The following ADAM7 variants were observed in gnomAD, a reference collection of about 807,000 sequenced individuals.
The protein encoded by ADAM7 is ADAM metallopeptidase domain 7.
Under a neutral mutation model 102.9 loss-of-function variants are expected in ADAM7, and 97 were observed. The ratio of observed to expected loss-of-function variants is 0.94; its 90% CI spans 0.80 to 1.12. The LOEUF (loss-of-function observed/expected upper bound fraction) is 1.12, where lower values mean the gene tolerates loss of function less well. ADAM7 is among the 50% of genes most tolerant of loss of function. The probability of loss-of-function intolerance (pLI) is 0.00; values close to 1 mark genes in which losing one functional copy is unlikely to be tolerated. For missense variants in ADAM7, 991 were observed against 908.7 expected (o/e 1.09, Z -1.16); for synonymous variants, 334 against 304.4 (o/e 1.10, Z -1.01).
chr8:24,457,659 T>C (rs544285962), intron 3 of ADAM7, among the ~76,000 whole-genome samples: 178 of 152,296 alleles, frequency 1.2e-3, no homozygotes, highest in Non-Finnish European at 1.9e-3. Context: ...AATTGTGTCT[T>C]TTAACAAGTA....
Position 24,489,328 on chromosome 8 carries a change from G to T in ADAM7, c.1261G>T (p.Ala421Ser). 1 of 1,605,924 alleles carries T rather than the reference G, an allele frequency of 6.2e-7. No homozygotes were observed. The highest frequency in any genetic ancestry group is 1.1e-5 in the South Asian group (1 of 89,488). Residue 421 changes from alanine (A) to serine (S), a missense_variant, in exon 12 of 22, where the codon GCT (alanine) becomes TCT (serine). Coordinates refer to ENST00000175238, the MANE Select transcript of ADAM7 (RefSeq NM_003817.4). ...DEGEECDCGPAQECTNPCCDA... is the reference protein window; with the variant it reads ...DEGEECDCGPSQECTNPCCDA... ...GGGTGAAGAGTGTGACTGTGGCCCT[G>T]CTCAGGTATTTGCAAATGAAGCTAT...
intron 7 of ADAM7, 82 bp from the exon 8 acceptor site, chr8:24,476,351 T>C (rs1266714005): frequency 9.6e-7 from 1 of 1,042,830 alleles, no homozygotes; most frequent in East Asian, 2.7e-5. Flanking sequence ...TTCTTTGTAA[T>C]AGCTGATGAA....
At position 24,485,256 on chromosome 8, in the gene ADAM7, A is replaced by G. The variant is rs549240870; in HGVS notation, c.876-21A>G. 4 of 1,606,846 alleles carry G rather than the reference A, an allele frequency of 2.5e-6. No individual in the cohort carries two copies. In the Admixed American group the frequency reaches 5.0e-5, roughly 20 times the overall value. On this transcript the variant is annotated intron_variant, in intron 9 of 21. Transcript: ENST00000175238. ...AAACTACTAACTCAGATTGAAGACT[A>G]TTTTTGCATCTTTTTCATAGTGGGA...
At chr8:24,453,199 C>G (rs1225957635) in intron 3 of ADAM7, among the ~76,000 whole-genome samples, 8 of 152,188 alleles carry the variant, frequency 5.3e-5, no homozygotes, top group Admixed American at 3.9e-4. Context: ...TGTTGGCCTG[C>G]CTTGCTAGAT....
chr8:24,472,124 A>AC (rs200114413), intron 7 of ADAM7, among the ~76,000 whole-genome samples: 5,861 of 117,598 alleles, frequency 0.05, 159 homozygotes, highest in Middle Eastern at 0.079. Context: ...AAAGATAACA[A>AC]AAAAAAAAAA....
intron 20 of ADAM7, among the ~76,000 whole-genome samples, chr8:24,501,800 C>A (rs1460751277): frequency 1.3e-5 from 2 of 151,954 alleles, no homozygotes; most frequent in South Asian, 2.1e-4. Flanking sequence ...TATATCAGAG[C>A]AGAATATATT....
rs767811801 is a variant in ADAM7 at position 24,491,968 on chromosome 8, T to C, written c.1422T>C (p.Thr474=). The C allele has an allele frequency of 2.5e-6, 4 of 1,613,376 alleles. No individual in the cohort carries two copies. Among genetic ancestry groups the C allele is most frequent in the Non-Finnish European group, 3.4e-6 (4 of 1,179,528 alleles). Residue 474 remains threonine, a synonymous_variant, in exon 14 of 22, where the codon ACT becomes ACC. Transcript: ENST00000175238. The stretch of plus-strand genomic sequence containing the variant: ...AATGTGATTTTCCTGAGATGTGCAC[T>C]GGCCACTCGCCTGCCTGTCCTAAGG... ...KDECDFPEMC[T]GHSPACPKDQ... is the part of the protein sequence containing the mutation.
intron 3 of ADAM7, among the ~76,000 whole-genome samples, chr8:24,460,241 G>T (rs909720470): frequency 1.3e-5 from 2 of 152,030 alleles, no homozygotes; most frequent in South Asian, 4.2e-4. Context: ...CATTTAAGAT[G>T]TATCTTTTGT....
At chr8:24,497,068 A>G (rs1350079969) in intron 16 of ADAM7, among the ~76,000 whole-genome samples, 1 of 152,152 alleles carries the variant, frequency 6.6e-6, no homozygotes, top group Non-Finnish European at 1.5e-5. Context: ...GGTCCTTCCC[A>G]TGCTGTTCTC....
chr8:24,468,568 G>A (rs1412395756), intron 6 of ADAM7, among the ~76,000 whole-genome samples, 199 bp from the exon 7 acceptor site: 3 of 151,858 alleles, frequency 2.0e-5, no homozygotes, highest in Non-Finnish European at 2.9e-5. Context: ...ACTAAAATCC[G>A]ATGTATAGGA....
At chr8:24,487,037 G>A in intron 10 of ADAM7, 150 bp from the exon 11 acceptor site, 1 of 706,728 alleles carries the variant, frequency 1.4e-6, no homozygotes, top group African/African-American at 1.8e-5. Context: ...CTGAGGTACA[G>A]AGGAGAGAAG....
rs753438964 is a variant in ADAM7 at position 24,463,927 on chromosome 8, A to C, written c.279A>C (p.Lys93Asn). The change falls in exon 4 of 22, where the codon AAA becomes AAC. Residue 93 changes from lysine to asparagine, a missense_variant. Coordinates refer to ENST00000175238, the MANE Select transcript of ADAM7 (RefSeq NM_003817.4). ...ACAGTGAAACATTCTACTCCATGAA[A>C]GGAGAAGCGTTCACCAGGCATCCTC... The part of the protein sequence containing the change: ...SNYSETFYSM[K>N]GEAFTRHPQI... 46 of 1,613,762 alleles carry C rather than the reference A, an allele frequency of 2.9e-5. No individual in the cohort carries two copies. Among genetic ancestry groups the C allele is most frequent in the Non-Finnish European group, 3.8e-5 (45 of 1,179,868 alleles).
At chr8:24,442,425 AC>A (rs1563369394) in intron 1 of ADAM7, 47 bp from the exon 2 acceptor site, 4 of 1,294,868 alleles carry the variant, frequency 3.1e-6, no homozygotes, top group Non-Finnish European at 4.5e-6. Context: ...GCCGCTGTAG[AC>A]GAATGTTAAT....
At position 24,493,138 on chromosome 8, in the gene ADAM7, A is replaced by C; in HGVS notation, c.1751A>C (p.Asn584Thr). ...TATCACCTTAAGGATCCCCAGAAGA[A>C]TGCTACTGTCAAATGCAAAACTATT... ...KTYHLKDPQK[N>T]ATVKCKTIFL... Residue 584 changes from asparagine (N) to threonine (T), a missense_variant, in exon 16 of 22, where the codon AAT (asparagine) becomes ACT (threonine). By Grantham distance (65) the Asn-to-Thr change is moderately conservative. Coordinates refer to ENST00000175238, the MANE Select transcript of ADAM7 (RefSeq NM_003817.4). The C allele has an allele frequency of 3.1e-6, 5 of 1,613,514 alleles. No homozygotes were observed. The highest frequency in any genetic ancestry group is 4.2e-6 in the Non-Finnish European group (5 of 1,179,664).
Position 24,501,484 on chromosome 8 carries a change from A to G in ADAM7, c.2116A>G (p.Thr706Ala), listed in dbSNP as rs1335937272. 1.1e-5 allele frequency: 18 copies of G among 1,605,130 alleles called. No individual in the cohort carries two copies. In the Admixed American group the frequency reaches 2.9e-4, roughly 26 times the overall value. Residue 706 changes from threonine (T) to alanine (A), a missense_variant, in exon 20 of 22, where the codon ACA becomes GCA. Thr to Ala is a moderately conservative substitution (Grantham distance 58). Coordinates refer to ENST00000175238, the MANE Select transcript of ADAM7 (RefSeq NM_003817.4). ...IKLKQVQSPP[T>A]ETLGVENKGY... is the part of the protein sequence containing the mutation. ...CAATTTCCTTCTTGACAGCCCACCT[A>G]CAGAAACCCTGGGAGTGGAGAACAA...
chr8:24,462,630 T>G (rs931700951), intron 3 of ADAM7, among the ~76,000 whole-genome samples: 5 of 152,216 alleles, frequency 3.3e-5, no homozygotes, highest in Non-Finnish European at 7.3e-5. Flanking sequence ...TTTCTTTTTA[T>G]GTATTATCCA....
chr8:24,441,423 T>G (rs1449086120), intron 1 of ADAM7, among the ~76,000 whole-genome samples: 1 of 152,184 alleles, frequency 6.6e-6, no homozygotes, highest in Non-Finnish European at 1.5e-5. Flanking sequence ...GTGCTGGCCA[T>G]TAGCTGCTTT....
intron 3 of ADAM7, among the ~76,000 whole-genome samples, chr8:24,453,635 C>T (rs572954231): frequency 1.3e-3 from 204 of 152,326 alleles, no homozygotes; most frequent in African/African-American, 4.7e-3. Flanking sequence ...TCGTCTGAAG[C>T]CTTCTTCTCT....
At chr8:24,480,460 A>T (rs1819911396) in intron 8 of ADAM7, among the ~76,000 whole-genome samples, 2 of 152,058 alleles carry the variant, frequency 1.3e-5, no homozygotes, top group African/African-American at 4.8e-5. Context: ...TAACTCAGAG[A>T]TTCCATAGTT....
Sources: gnomAD v4.1 joint callset for allele counts (sites outside exome capture counted in the v4.1 genomes callset) on GRCh38, gnomAD v4.1.1 for gene constraint, MANE v1.5 for transcripts, NCBI Gene and HGNC (gene_info 2026-07-23, HGNC 2026-07-21) for gene names.